The following DNTTIP1 variants were observed in gnomAD, a reference collection of about 807,000 sequenced individuals.
DNTTIP1 encodes deoxynucleotidyltransferase terminal-interacting protein 1.
A neutral mutation model predicts 52.9 loss-of-function variants in DNTTIP1; 22 were observed. That is an observed-to-expected ratio of 0.42 (90% CI 0.30 to 0.59). The LOEUF (loss-of-function observed/expected upper bound fraction) is 0.59, where lower values mean the gene tolerates loss of function less well. DNTTIP1 is among the 20% of genes least tolerant of loss of function. The pLI, the probability that DNTTIP1 is intolerant of heterozygous loss-of-function variation, is 0.22. For missense variants in DNTTIP1, 286 were observed against 435.5 expected, an observed-to-expected ratio of 0.66 and a Z score of 3.06; for synonymous variants, 136 against 155.1, an observed-to-expected ratio of 0.88 and a Z score of 0.92.
rs1191964352 is a variant in DNTTIP1 at position 45,800,692 on chromosome 20, AAAATATATATATATATATATATATAT to A, written c.373-380_373-355del. Among the ~76,000 whole-genome samples, 244 of 32,652 alleles carry A rather than the reference AAAATATATATATATATATATATATAT, an allele frequency of 7.5e-3. 41 individuals are homozygous for A. The highest frequency in any genetic ancestry group is 0.019 in the African/African-American group (168 of 8,764). 21.4% of individuals were successfully genotyped at this position (32,652 alleles called of 152,430 possible). On this transcript the variant is annotated intron_variant, in intron 4 of 12. Transcript: ENST00000372622. ...TCCATCTCAATTTAAAAAAAAAAAA[AAAATATATATATATATATATATATAT>A]ATATATATATATATATATATATATA... is the stretch of plus-strand genomic sequence containing the variant.
At chr20:45,803,729 G>A (rs546645966) in intron 8 of DNTTIP1, among the ~76,000 whole-genome samples, 84 of 152,272 alleles carry the variant, frequency 5.5e-4, no homozygotes, top group South Asian at 5.4e-3. Flanking sequence ...GATCAATTCT[G>A]TGAACCATTC....
chr20:45,796,104 G>A (rs772309123), intron 4 of DNTTIP1, among the ~76,000 whole-genome samples: 19 of 152,068 alleles, frequency 1.2e-4, no homozygotes, highest in Non-Finnish European at 2.6e-4. Flanking sequence ...TAATCAAAGG[G>A]TACAAACTTT....
intron 4 of DNTTIP1, among the ~76,000 whole-genome samples, chr20:45,800,666 C>G (rs1281116171): frequency 9.6e-6 from 1 of 103,734 alleles, no homozygotes; most frequent in Non-Finnish European, 1.9e-5. Context: ...AAGAGTGAAA[C>G]TCCATCTCAA....
chr20:45,803,330 C>T lies in DNTTIP1; in HGVS notation c.558-3C>T, dbSNP rs186237254. On this transcript the variant is annotated splice_region_variant and splice_polypyrimidine_tract_variant and intron_variant, in intron 7 of 12. Transcript: ENST00000372622. ...TTCACCTTTATTCTTTCCTTCCAAG[C>T]AGATGGAAACCAAAATCCTGTGAAC... 74 of 1,614,156 alleles carry T rather than the reference C, an allele frequency of 4.6e-5. No individual in the cohort carries two copies. In the Admixed American group the frequency reaches 7.7e-4, roughly 17 times the overall value.
chr20:45,799,232 T>C (rs1981342894), intron 4 of DNTTIP1, among the ~76,000 whole-genome samples: 1 of 151,914 alleles, frequency 6.6e-6, no homozygotes, highest in African/African-American at 2.4e-5. Flanking sequence ...TGAGAGAGGA[T>C]AGGGAAAAGA....
intron 10 of DNTTIP1, among the ~76,000 whole-genome samples, chr20:45,808,693 C>G (rs1323438800): frequency 1.3e-5 from 2 of 152,164 alleles, no homozygotes; most frequent in African/African-American, 4.8e-5. Context: ...ATTTGTAACT[C>G]CAAAACCGAA....
rs116248805 is a variant in DNTTIP1, at chr20:45,809,879, A to G, written c.795+694A>G. On this transcript the variant is annotated intron_variant, in intron 11 of 12. Transcript: ENST00000372622. This position sits in a 1 kb window ranked among gnomAD's most constrained non-coding sequence, Gnocchi z 4.2. ...TGAGAGCTACCTTTTATTTTATTTT[A>G]CTACTCTATTTATGCCTATGCTTTA... is the stretch of plus-strand genomic sequence containing the variant. Among the ~76,000 whole-genome samples, 386 of 152,196 alleles carry G rather than the reference A, an allele frequency of 2.5e-3. 5 individuals are homozygous for G. Among genetic ancestry groups the G allele is most frequent in the African/African-American group, 9.1e-3 (377 of 41,504 alleles).
Position 45,801,154 on chromosome 20 carries a change from T to C in DNTTIP1, c.441+12T>C. ...TTCCAGGAATAAAGGTCAGAGTCAC[T>C]GTGTTCTCGGGTATTGGAGCGGGAG... On this transcript the variant is annotated intron_variant, in intron 5 of 12. Transcript: ENST00000372622. The C allele has an allele frequency of 6.2e-7, 1 of 1,613,364 alleles. No homozygotes were observed. Among genetic ancestry groups the C allele is most frequent in the African/African-American group, 1.3e-5 (1 of 74,984 alleles).
Position 45,810,864 on chromosome 20 carries a change from TCTCCCTTGCTC to T in DNTTIP1, c.796-18_796-8del. 6.2e-7 allele frequency: 1 copy of T among 1,612,890 alleles called. No individual in the cohort carries two copies. Among genetic ancestry groups the T allele is most frequent in the Non-Finnish European group, 8.5e-7 (1 of 1,178,924 alleles). On this transcript the variant is annotated splice_polypyrimidine_tract_variant and intron_variant, in intron 11 of 12. Transcript: ENST00000372622. ...GTGAAATGAATCAGGCAATGACCACTCTCCCTTGCTCCTGCCTCAGGCCTACCTCCTCATCG... is the reference window on the plus strand; with the variant it reads ...GTGAAATGAATCAGGCAATGACCACTCTGCCTCAGGCCTACCTCCTCATCG...
chr20:45,810,760 T>C, intron 11 of DNTTIP1, 125 bp from the exon 12 acceptor site: 2 of 820,272 alleles, frequency 2.4e-6, no homozygotes, highest in Non-Finnish European at 4.0e-6. Flanking sequence ...CGTACTAAAT[T>C]GTAAACCGCA....
rs1361755696 is a variant in DNTTIP1 at position 45,794,035 on chromosome 20, T to TA, written c.273+24dup. On this transcript the variant is annotated intron_variant, in intron 3 of 12. Coordinates refer to ENST00000372622, the MANE Select transcript of DNTTIP1 (RefSeq NM_052951.3). ...ACATGAAGGTGAGAGGGACACAGGA[T>TA]AAAAAATAACAGGAGAAAGACTCAT... The TA allele has an allele frequency of 1.3e-6, 2 of 1,532,946 alleles. No homozygotes were observed. The highest frequency in any genetic ancestry group is 1.8e-6 in the Non-Finnish European group (2 of 1,124,588). The allele number at this position is 1,532,946 out of a possible 1,614,324, so 95.0% of individuals were successfully genotyped here.
In DNTTIP1 at chr20:45,792,694, G is replaced by A. The variant is rs1233535242; in HGVS notation, c.123G>A (p.Met41Ile). 1 of 1,612,352 alleles carries A rather than the reference G, an allele frequency of 6.2e-7. No homozygotes were observed. Among genetic ancestry groups the A allele is most frequent in the Non-Finnish European group, 8.5e-7 (1 of 1,179,308 alleles). Residue 41 changes from methionine to isoleucine, a missense_variant, in exon 2 of 13, where the codon ATG becomes ATA. Met to Ile is a conservative substitution (Grantham distance 10, BLOSUM62 1). Around this residue, in one of 2 missense-constraint regions of DNTTIP1, gnomAD observed 208 missense variants for 266.5 expected, o/e 0.78. Transcript: ENST00000372622. The stretch of plus-strand genomic sequence containing the variant: ...CCCCACAGAACCCTTGGAACATAAT[G>A]ATAAAGCACCGGCAGGTGCAGCGGA... ...QLVLTNPWNI[M>I]IKHRQVQRRG...
At chr20:45,806,355 CAA>C (rs3080098) in intron 10 of DNTTIP1, among the ~76,000 whole-genome samples, 3 of 131,740 alleles carry the variant, frequency 2.3e-5, no homozygotes, top group Admixed American at 7.9e-5. Context: ...AACTCCATCT[CAA>C]AAAAAAAAAA....
intron 8 of DNTTIP1, 74 bp downstream of exon 8, chr20:45,803,452 G>A: frequency 6.4e-7 from 1 of 1,565,736 alleles, no homozygotes; most frequent in Admixed American, 1.7e-5. Flanking sequence ...CCACCATGAG[G>A]GAAAGGGGCA....
At chr20:45,800,694 AATATATATATATATATATATATAT>A (rs1158615012) in intron 4 of DNTTIP1, among the ~76,000 whole-genome samples, 327 of 16,394 alleles carry the variant, frequency 0.02, 33 homozygotes, top group African/African-American at 0.061. Flanking sequence ...AAAAAAAAAA[AATATATATATATATATATATATAT>A]ATATATATAT....
In DNTTIP1 at chr20:45,801,121, C is replaced by A; in HGVS notation, c.420C>A (p.Thr140=). The change falls in exon 5 of 13, where the codon ACC becomes ACA. Residue 140 remains threonine, a synonymous_variant. Coordinates refer to ENST00000372622, the MANE Select transcript of DNTTIP1 (RefSeq NM_052951.3). ...SDGEKVIPRL[T]HELPGIKRGR... The stretch of plus-strand genomic sequence containing the variant: ...GAGAAAAAGTAATACCCAGATTGAC[C>A]CATGAGCTTCCAGGAATAAAGGTCA... 1 of 1,614,038 alleles carries A rather than the reference C, an allele frequency of 6.2e-7. No individual in the cohort carries two copies. Among genetic ancestry groups the A allele is most frequent in the Non-Finnish European group, 8.5e-7 (1 of 1,179,990 alleles).
chr20:45,792,000 G>A lies in DNTTIP1; in HGVS notation c.-5G>A. 1 of 1,255,974 alleles carries A rather than the reference G, an allele frequency of 8.0e-7. No homozygotes were observed. The highest frequency in any genetic ancestry group is 3.5e-5 in the Admixed American group (1 of 28,276). The allele number at this position is 1,255,974 out of a possible 1,614,324, so 77.8% of individuals were successfully genotyped here. On this transcript the variant is annotated 5_prime_UTR_variant, in exon 1 of 13. Coordinates refer to ENST00000372622, the MANE Select transcript of DNTTIP1 (RefSeq NM_052951.3). ...TCCAGCGGAGTTGTGGGGGCCGGGG[G>A]CGCCATGGGAGCCACTGGCGACGCC...
chr20:45,801,542 C>G, intron 6 of DNTTIP1, 84 bp downstream of exon 6: 9 of 1,414,036 alleles, frequency 6.4e-6, no homozygotes, highest in Non-Finnish European at 9.0e-6. Flanking sequence ...AATCCCAACA[C>G]TTTGGGAGGC....
chr20:45,793,626 G>C (rs2145696299), intron 2 of DNTTIP1, among the ~76,000 whole-genome samples: 1 of 152,302 alleles, frequency 6.6e-6, no homozygotes, highest in African/African-American at 2.4e-5. Flanking sequence ...CTTGAACCCA[G>C]GAGGCAGAGG....
Sources: gnomAD v4.1 joint callset for allele counts (sites outside exome capture counted in the v4.1 genomes callset) on GRCh38, gnomAD v4.1.1 for gene constraint, gnomAD v4.1.1 regional missense constraint, Gnocchi (gnomAD v3.1) non-coding constraint, MANE v1.5 for transcripts, NCBI Gene and HGNC (gene_info 2026-07-23, HGNC 2026-07-21) for gene names.